Variants in LMTK2 observed in about 807,000 individuals in gnomAD.
LMTK2 encodes lemur tail kinase 2.
In LMTK2, 37 loss-of-function variants were observed where a neutral mutation model predicts 127.5. The observed-to-expected ratio is 0.29, with a 90% CI of 0.22 to 0.38. The LOEUF (loss-of-function observed/expected upper bound fraction) is 0.38, where lower values mean the gene tolerates loss of function less well. LMTK2 is among the 10% of genes least tolerant of loss of function. The pLI, the probability that LMTK2 is intolerant of heterozygous loss-of-function variation, is 1.00. For synonymous variants in LMTK2, 819 were observed against 810.1 expected (o/e 1.01, Z -0.19); for missense variants, 1,694 against 1,920.3 (o/e 0.88, Z 2.20).
intron 3 of LMTK2, among the ~76,000 whole-genome samples, chr7:98,142,131 C>T (rs1265738162): frequency 1.3e-5 from 2 of 151,724 alleles, no homozygotes; most frequent in African/African-American, 4.8e-5. Flanking sequence ...AAAATAATAC[C>T]TTTTAAAAAA....
chr7:98,188,380 C>T (rs1797471966), intron 9 of LMTK2, among the ~76,000 whole-genome samples: 1 of 152,126 alleles, frequency 6.6e-6, no homozygotes, highest in Non-Finnish European at 1.5e-5. Context: ...TCTCTTAAGG[C>T]ATGTCTCATA....
Position 98,204,220 on chromosome 7 carries a change from C to T in LMTK2, c.4483+34C>T, listed in dbSNP as rs1797754302. ...CGCTGCGTGCTGGGGATTGGGAGTG[C>T]AGGGTCGGGGGTGGGGCGCTGCAGC... On this transcript the variant is annotated intron_variant, in intron 13 of 13. Transcript: ENST00000297293. The T allele has an allele frequency of 2.5e-6, 4 of 1,592,938 alleles. No individual in the cohort carries two copies. The South Asian group carries it at 3.3e-5, about 13-fold the overall frequency.
At chr7:98,140,102 C>G (rs552789196) in intron 2 of LMTK2, among the ~76,000 whole-genome samples, 1 of 3,134 alleles carries the variant, frequency 3.2e-4, no homozygotes, top group African/African-American at 7.8e-4. Flanking sequence ...TTCTTTCTTT[C>G]TTTCTTTCTT....
At chr7:98,139,182 C>G (rs1796641221) in intron 2 of LMTK2, among the ~76,000 whole-genome samples, 1 of 152,140 alleles carries the variant, frequency 6.6e-6, no homozygotes, top group South Asian at 2.1e-4. Context: ...CTGGATCACA[C>G]TTCACTACAG....
At chr7:98,155,922 T>G (rs2116395041) in intron 5 of LMTK2, among the ~76,000 whole-genome samples, 1 of 151,794 alleles carries the variant, frequency 6.6e-6, no homozygotes, top group South Asian at 2.1e-4. Flanking sequence ...TTGGTAACAG[T>G]GAAAAGACGA....
At chr7:98,119,091 CAAAA>C (rs11309792) in intron 1 of LMTK2, among the ~76,000 whole-genome samples, 2 of 89,410 alleles carry the variant, frequency 2.2e-5, no homozygotes. Context: ...GAATCCATCT[CAAAA>C]AAAAAAAAAA....
At chr7:98,168,771 T>C (rs937586047) in intron 6 of LMTK2, among the ~76,000 whole-genome samples, 7 of 152,188 alleles carry the variant, frequency 4.6e-5, no homozygotes, top group African/African-American at 1.7e-4. Context: ...GCTCTGCTGA[T>C]GGAGAGCTTG....
At position 98,107,258 on chromosome 7, in the gene LMTK2, G is replaced by T. The variant is rs1262850915; in HGVS notation, c.81G>T (p.Ala27=). 3 of 1,431,256 alleles carry T rather than the reference G, an allele frequency of 2.1e-6. No homozygotes were observed. Among genetic ancestry groups the T allele is most frequent in the Non-Finnish European group, 2.7e-6 (3 of 1,097,652 alleles). 88.7% of individuals were successfully genotyped at this position (1,431,256 alleles called of 1,614,324 possible). A position where few individuals can be genotyped will look rare whatever the true frequency, so the allele number is the denominator to read the frequency against. Residue 27 remains alanine (A), a synonymous_variant, in exon 1 of 14, where the codon GCG becomes GCT. Transcript: ENST00000297293. The part of the protein sequence containing the change: ...VLLIAGSAGA[A]PLPQTGAGEA... ...TGATCGCCGGCAGTGCTGGGGCCGC[G>T]CCACTTCCGCAAACAGGTGCAGGTG...
chr7:98,184,888 A>G (rs1797409862), intron 7 of LMTK2, among the ~76,000 whole-genome samples, 163 bp from the exon 8 acceptor site: 1 of 152,212 alleles, frequency 6.6e-6, no homozygotes, highest in Non-Finnish European at 1.5e-5. Flanking sequence ...TGACATATGT[A>G]ATACTTCTAC....
chr7:98,188,486 C>T (rs79719318), intron 9 of LMTK2, among the ~76,000 whole-genome samples: 2,563 of 152,108 alleles, frequency 0.017, 59 homozygotes, highest in African/African-American at 0.058. Flanking sequence ...TTAGTAGAGA[C>T]GAGGTCATGC....
intron 3 of LMTK2, among the ~76,000 whole-genome samples, chr7:98,150,182 C>T (rs781700283): frequency 3.3e-5 from 5 of 151,896 alleles, no homozygotes; most frequent in Non-Finnish European, 5.9e-5. Context: ...GTAGCAGGTG[C>T]CTGTAGTCCC....
chr7:98,123,220 A>G (rs1474687085), intron 1 of LMTK2, among the ~76,000 whole-genome samples: 1 of 152,184 alleles, frequency 6.6e-6, no homozygotes, highest in African/African-American at 2.4e-5. Context: ...TCTACTATGC[A>G]TGACAAGGAT....
intron 8 of LMTK2, among the ~76,000 whole-genome samples, chr7:98,186,501 G>A (rs183633180): frequency 1.8e-4 from 28 of 152,276 alleles, no homozygotes; most frequent in Non-Finnish European, 4.4e-5. Context: ...TTCAAACCCC[G>A]GTCTGTCAGA....
At chr7:98,153,779 T>A (rs937785525) in intron 4 of LMTK2, among the ~76,000 whole-genome samples, 2 of 151,830 alleles carry the variant, frequency 1.3e-5, no homozygotes, top group Non-Finnish European at 2.9e-5. Context: ...GGCAGGAGGA[T>A]CACCTGGGCC....
chr7:98,135,518 C>T (rs1267005950), intron 1 of LMTK2, among the ~76,000 whole-genome samples: 1 of 151,950 alleles, frequency 6.6e-6, no homozygotes, highest in East Asian at 1.9e-4. Context: ...TATGGAGTCT[C>T]ATTTTGTTGC....
chr7:98,182,775 A>T (rs1420023645), intron 7 of LMTK2, among the ~76,000 whole-genome samples: 1 of 152,224 alleles, frequency 6.6e-6, no homozygotes, highest in African/African-American at 2.4e-5. Flanking sequence ...TAAAGAGATA[A>T]TTTGTACACC....
At chr7:98,165,821 T>C (rs531219629) in intron 6 of LMTK2, among the ~76,000 whole-genome samples, 1 of 151,892 alleles carries the variant, frequency 6.6e-6, no homozygotes, top group Non-Finnish European at 1.5e-5. Context: ...AAGGAGCTCA[T>C]GTAGAGGAGA....
rs773235052 is a variant in LMTK2 at position 98,190,797 on chromosome 7, A to C, written c.1068A>C (p.Leu356Phe). Reference sequence around the variant, plus strand: ...AGCCGTATTCAAACCTTTCCAACTTAGATGTCCTCAACCAAGTCATTAGAG... The same window carrying C: ...AGCCGTATTCAAACCTTTCCAACTTCGATGTCCTCAACCAAGTCATTAGAG... The part of the protein sequence containing the change: ...AAQPYSNLSN[L>F]DVLNQVIRER... The change falls in exon 10 of 14, where the codon TTA becomes TTC. Residue 356 changes from leucine (L) to phenylalanine (F), a missense_variant. Around this residue, in one of 8 missense-constraint regions of LMTK2, gnomAD observed 216 missense variants for 266.8 expected, o/e 0.81. Coordinates refer to ENST00000297293, the MANE Select transcript of LMTK2 (RefSeq NM_014916.4). 4 of 1,613,950 alleles carry C rather than the reference A, an allele frequency of 2.5e-6. No homozygotes were observed. Among genetic ancestry groups the C allele is most frequent in the Non-Finnish European group, 3.4e-6 (4 of 1,179,974 alleles).
Position 98,194,166 on chromosome 7 carries a change from A to G in LMTK2, c.3701A>G (p.Glu1234Gly). 2 of 1,613,968 alleles carry G rather than the reference A, an allele frequency of 1.2e-6. No individual in the cohort carries two copies. Among genetic ancestry groups the G allele is most frequent in the Non-Finnish European group, 1.7e-6 (2 of 1,180,012 alleles). Residue 1234 changes from glutamate (E) to glycine (G), a missense_variant, in exon 11 of 14, where the codon GAA becomes GGA. Physicochemically the swap from Glu to Gly is moderately conservative, Grantham distance 98. This residue lies in a region of LMTK2 where 554 missense variants were observed against 567.7 expected (regional missense o/e 0.98). Coordinates refer to ENST00000297293, the MANE Select transcript of LMTK2 (RefSeq NM_014916.4). The surrounding 1 kb of genome is among the most constrained non-coding windows in gnomAD (Gnocchi z 5.4). The stretch of plus-strand genomic sequence containing the variant: ...GCTTCCACGGGGACCAACACGAACG[A>G]ACTCCTTGCCTACACCAATTCTGCG... The part of the protein sequence containing the change: ...TLASTGTNTN[E>G]LLAYTNSALD...
Sources: allele counts gnomAD v4.1 joint callset (sites outside exome capture counted in the v4.1 genomes callset), GRCh38; gene constraint gnomAD v4.1.1; regional missense constraint gnomAD v4.1.1; non-coding constraint Gnocchi (gnomAD v3.1); transcripts MANE v1.5; gene names NCBI Gene and HGNC (gene_info 2026-07-23, HGNC 2026-07-21).